Variants in PTPN13 observed in about 807,000 individuals in gnomAD.
The protein encoded by PTPN13 is tyrosine-protein phosphatase non-receptor type 13.
PTPN13 carries 191 observed loss-of-function variants against 284.0 expected under a neutral mutation model. The observed-to-expected ratio is 0.67, with a 90% CI of 0.60 to 0.76. The LOEUF (loss-of-function observed/expected upper bound fraction) is 0.76. Among genes scored for constraint, PTPN13 ranks in the 30% least tolerant of loss-of-function variants. PTPN13 has a pLI of 0.00. For missense variants in PTPN13, 2,797 were observed against 2,939.9 expected, an observed-to-expected ratio of 0.95 and a Z score of 1.12; for synonymous variants, 986 against 1,022.3, an observed-to-expected ratio of 0.96 and a Z score of 0.68.
intron 2 of PTPN13, among the ~76,000 whole-genome samples, chr4:86,666,044 T>G (rs1727036672): frequency 6.6e-6 from 1 of 152,170 alleles, no homozygotes; most frequent in South Asian, 2.1e-4. Context: ...TTACCTATGA[T>G]GTAACAATGA....
At chr4:86,785,182 G>T in intron 38 of PTPN13, 49 bp from the exon 39 acceptor site, 5 of 1,360,218 alleles carry the variant, frequency 3.7e-6, no homozygotes, top group Non-Finnish European at 5.0e-6. Flanking sequence ...TCCCTTTCTC[G>T]TGTCAATATT....
rs144542662 is a variant in PTPN13, at chr4:86,667,097, A to G, written c.116-5268A>G. Among the ~76,000 whole-genome samples the G allele has an allele frequency of 3.9e-5, 6 of 152,298 alleles. No individual in the cohort carries two copies. The East Asian group carries it at 1.2e-3, about 29-fold the overall frequency. On this transcript the variant is annotated intron_variant, in intron 2 of 47. Coordinates refer to ENST00000411767, the MANE Select transcript of PTPN13 (RefSeq NM_080683.3). The stretch of plus-strand genomic sequence containing the variant: ...ACTTCCTTACTCTCACTATCTGCCT[A>G]AATAATTCTTTTTAAACTCCTATAT...
At position 86,807,827 on chromosome 4, in the gene PTPN13, G is replaced by A. The variant is rs201992836; in HGVS notation, c.7013G>A (p.Arg2338Gln). 1.9e-6 allele frequency: 3 copies of A among 1,614,004 alleles called. No homozygotes were observed. The highest frequency in any genetic ancestry group is 2.2e-5 in the East Asian group (1 of 44,888). Residue 2338 changes from arginine to glutamine, a missense_variant, in exon 45 of 48, where the codon CGA becomes CAA. Transcript: ENST00000411767. Reference sequence around the variant, plus strand: ...ACAACAATGGTCAGCAACAGACTTCGACTGGCTCTTGTGAGAATGCAGCAG... The same window carrying A: ...ACAACAATGGTCAGCAACAGACTTCAACTGGCTCTTGTGAGAATGCAGCAG... ...GKTTMVSNRL[R>Q]LALVRMQQLK...
At position 86,769,804 on chromosome 4, in the gene PTPN13, T is replaced by G; in HGVS notation, c.4525T>G (p.Ser1509Ala). The change falls in exon 29 of 48, where the codon TCA (serine) becomes GCA (alanine). Residue 1509 changes from serine to alanine, a missense_variant. Coordinates refer to ENST00000411767, the MANE Select transcript of PTPN13 (RefSeq NM_080683.3). The stretch of plus-strand genomic sequence containing the variant: ...TGAGGTAAAATTATTTAAAAATAGC[T>G]CAGGTCTAGGATTCAGTTTTTCTCG... ...TFEVKLFKNS[S>A]GLGFSFSRED... The G allele has an allele frequency of 6.2e-7, 1 of 1,607,406 alleles. No homozygotes were observed. The highest frequency in any genetic ancestry group is 8.5e-7 in the Non-Finnish European group (1 of 1,177,606).
chr4:86,697,831 G>A (rs1307733894), intron 6 of PTPN13, among the ~76,000 whole-genome samples: 3 of 152,110 alleles, frequency 2.0e-5, no homozygotes, highest in Admixed American at 6.5e-5. Context: ...ATGATATCCA[G>A]TGTAGGATAA....
chr4:86,606,025 A>T (rs1764709136), intron 1 of PTPN13, among the ~76,000 whole-genome samples: 1 of 151,930 alleles, frequency 6.6e-6, no homozygotes, highest in Non-Finnish European at 1.5e-5. Flanking sequence ...TGGGGCTTGT[A>T]GTAATGAGGA....
At chr4:86,624,161 C>T (rs1721573230) in intron 1 of PTPN13, among the ~76,000 whole-genome samples, 1 of 151,894 alleles carries the variant, frequency 6.6e-6, no homozygotes, top group Admixed American at 6.6e-5. Flanking sequence ...ATTTATTTGA[C>T]TCTCTTGTAG....
rs1286902284 is a variant in PTPN13, at chr4:86,689,005, C to T, written c.361C>T (p.Pro121Ser). ...GADYEVPQSQPIKLGDHLNSI... is the reference protein window; with the variant it reads ...GADYEVPQSQSIKLGDHLNSI... ...TGGCTTTTCCTTTATTTATATTCAG[C>T]CTATTAAGCTTGGAGATCATCTCAA... is the stretch of plus-strand genomic sequence containing the variant. Residue 121 changes from proline (P) to serine (S), a missense_variant and splice_region_variant, in exon 5 of 48, where the codon CCT becomes TCT. Physicochemically the swap from Pro to Ser is moderately conservative, Grantham distance 74. Coordinates refer to ENST00000411767, the MANE Select transcript of PTPN13 (RefSeq NM_080683.3). The T allele has an allele frequency of 1.9e-6, 3 of 1,544,828 alleles. No individual in the cohort carries two copies. Among genetic ancestry groups the T allele is most frequent in the East Asian group, 2.2e-5 (1 of 44,508 alleles).
intron 1 of PTPN13, among the ~76,000 whole-genome samples, chr4:86,604,423 T>G (rs903148028): frequency 1.3e-5 from 2 of 152,086 alleles, no homozygotes; most frequent in Non-Finnish European, 2.9e-5. Context: ...TTAATAATGC[T>G]GAGATAAAAG....
At chr4:86,749,253 CCCCT>C (rs1446802559) in intron 17 of PTPN13, among the ~76,000 whole-genome samples, 6 of 152,004 alleles carry the variant, frequency 3.9e-5, no homozygotes, top group Non-Finnish European at 7.4e-5. Context: ...TCTTCCTTCT[CCCCT>C]CCCTCCCTCC....
At chr4:86,634,243 A>G (rs1349317482) in intron 1 of PTPN13, among the ~76,000 whole-genome samples, 1 of 152,168 alleles carries the variant, frequency 6.6e-6, no homozygotes, top group African/African-American at 2.4e-5. Context: ...CTTCTCCCTT[A>G]CAGTAGAAAT....
At chr4:86,621,622 A>G (rs1721259156) in intron 1 of PTPN13, among the ~76,000 whole-genome samples, 3 of 152,190 alleles carry the variant, frequency 2.0e-5, no homozygotes, top group South Asian at 4.1e-4. Flanking sequence ...TACTGCAGAA[A>G]TGTTGATGTG....
At chr4:86,630,475 T>C (rs1440827588) in intron 1 of PTPN13, among the ~76,000 whole-genome samples, 1 of 152,302 alleles carries the variant, frequency 6.6e-6, no homozygotes, top group East Asian at 1.9e-4. Flanking sequence ...TAAGATACTA[T>C]ATATGTACAG....
At chr4:86,737,196 T>C (rs914727222) in intron 15 of PTPN13, among the ~76,000 whole-genome samples, 43 of 151,602 alleles carry the variant, frequency 2.8e-4, no homozygotes, top group African/African-American at 9.7e-4. Flanking sequence ...TTTGATCTTG[T>C]CACTGGGTTC....
chr4:86,638,003 C>A (rs1460458173), intron 2 of PTPN13, among the ~76,000 whole-genome samples: 1 of 151,980 alleles, frequency 6.6e-6, no homozygotes, highest in Non-Finnish European at 1.5e-5. Context: ...AATCAATGTA[C>A]AAAAATCACA....
Position 86,669,116 on chromosome 4 carries a change from T to C in PTPN13, c.116-3249T>C, listed in dbSNP as rs544866443. Among the ~76,000 whole-genome samples the C allele has an allele frequency of 2.0e-5, 3 of 151,786 alleles. No individual in the cohort carries two copies. In the South Asian group the frequency reaches 6.2e-4, roughly 31 times the overall value. ...GTCTTACCTATTAAAGGGCCACATA[T>C]AAAATAAGAAATTAATTCTTTATTG... On this transcript the variant is annotated intron_variant, in intron 2 of 47. Transcript: ENST00000411767.
At chr4:86,754,913 A>G (rs970921286) in intron 20 of PTPN13, among the ~76,000 whole-genome samples, 1 of 152,042 alleles carries the variant, frequency 6.6e-6, no homozygotes, top group African/African-American at 2.4e-5. Context: ...AAACAAGGCT[A>G]TATTTTCTTC....
intron 1 of PTPN13, among the ~76,000 whole-genome samples, chr4:86,629,526 C>T (rs899838353): frequency 1.5e-4 from 23 of 152,228 alleles, no homozygotes; most frequent in Non-Finnish European, 2.8e-4. Flanking sequence ...TTTAACAGTT[C>T]TTTCTTTTCA....
intron 1 of PTPN13, among the ~76,000 whole-genome samples, chr4:86,616,531 A>C (rs1323784841): frequency 2.7e-5 from 4 of 145,750 alleles, no homozygotes; most frequent in African/African-American, 1.0e-4. Context: ...GGAGGTATTT[A>C]GATCGTGGGG....
Sources: allele counts gnomAD v4.1 joint callset (sites outside exome capture counted in the v4.1 genomes callset), GRCh38; gene constraint gnomAD v4.1.1; transcripts MANE v1.5; gene names NCBI Gene and HGNC (gene_info 2026-07-23, HGNC 2026-07-21).